Variants in PLA2G12A observed in about 807,000 individuals in gnomAD.
PLA2G12A encodes phospholipase A2 group XIIA.
Under a neutral mutation model 16.0 loss-of-function variants are expected in PLA2G12A, and 11 were observed. The observed-to-expected ratio is 0.69, with a 90% confidence interval of 0.43 to 1.13. PLA2G12A has a LOEUF of 1.13. Ranked by LOEUF, PLA2G12A falls within the 50% of genes most tolerant of loss-of-function variation. The pLI is 0.00. For missense variants in PLA2G12A, 214 were observed against 237.3 expected (o/e 0.90, Z 0.65); for synonymous variants, 77 against 93.8 (o/e 0.82, Z 1.03).
intron 1 of PLA2G12A, among the ~76,000 whole-genome samples, chr4:109,722,487 G>A (rs1307760673): frequency 6.6e-6 from 1 of 152,192 alleles, no homozygotes; most frequent in African/African-American, 2.4e-5. Context: ...CTATAAAAGT[G>A]GCCCTAAAGA....
At chr4:109,719,787 T>G (rs1288059019) in intron 1 of PLA2G12A, among the ~76,000 whole-genome samples, 1 of 152,214 alleles carries the variant, frequency 6.6e-6, no homozygotes, top group African/African-American at 2.4e-5. Flanking sequence ...TTAAAAATAC[T>G]TTATTGCTAA....
intron 1 of PLA2G12A, among the ~76,000 whole-genome samples, chr4:109,722,355 A>G (rs1003720527): frequency 6.6e-6 from 1 of 152,156 alleles, no homozygotes; most frequent in African/African-American, 2.4e-5. Context: ...TATGGTTTGA[A>G]TGTTTGCATC....
intron 1 of PLA2G12A, among the ~76,000 whole-genome samples, chr4:109,721,006 G>A (rs1449583911): frequency 1.3e-5 from 2 of 152,152 alleles, no homozygotes; most frequent in Admixed American, 6.5e-5. Context: ...AGGAGGCGGA[G>A]GTTGTGGTGA....
chr4:109,719,869 G>T (rs991325021), intron 1 of PLA2G12A, among the ~76,000 whole-genome samples: 1 of 152,190 alleles, frequency 6.6e-6, no homozygotes, highest in African/African-American at 2.4e-5. Context: ...GCTCAATGCA[G>T]GGTCGCCGCT....
chr4:109,724,165 G>T (rs1002009933), intron 1 of PLA2G12A, among the ~76,000 whole-genome samples: 1 of 152,068 alleles, frequency 6.6e-6, no homozygotes. Flanking sequence ...TGCTCTTGTT[G>T]CCCAGGCTGG....
chr4:109,726,313 G>A (rs765384718), intron 1 of PLA2G12A, among the ~76,000 whole-genome samples: 3 of 152,126 alleles, frequency 2.0e-5, no homozygotes, highest in East Asian at 1.9e-4. Flanking sequence ...TTCTTTCCAC[G>A]GTCTTCCCCA....
chr4:109,714,216 CTT>C lies in PLA2G12A; in HGVS notation c.*159_*160del. 1.5e-6 allele frequency: 1 copy of C among 651,638 alleles called. No individual in the cohort carries two copies. Among genetic ancestry groups the C allele is most frequent in the Non-Finnish European group, 2.7e-6 (1 of 367,106 alleles). The allele number at this position is 651,638 out of a possible 1,614,324, so 40.4% of individuals were successfully genotyped here. On this transcript the variant is annotated 3_prime_UTR_variant, in exon 4 of 4. Transcript: ENST00000243501. ...TGCCCTCCCCTCACTATCTCCCTCACTTTTTTTGCTTTGAGGTTTTAACATCA... is the reference window on the plus strand; with the variant it reads ...TGCCCTCCCCTCACTATCTCCCTCACTTTTTGCTTTGAGGTTTTAACATCA...
intron 1 of PLA2G12A, among the ~76,000 whole-genome samples, chr4:109,724,766 G>C (rs1447612877): frequency 6.6e-6 from 1 of 152,152 alleles, no homozygotes; most frequent in African/African-American, 2.4e-5. Context: ...GGAGGTACAA[G>C]GAAGTAGGAG....
chr4:109,727,037 T>C (rs1300706153), intron 1 of PLA2G12A, among the ~76,000 whole-genome samples: 3 of 152,018 alleles, frequency 2.0e-5, no homozygotes, highest in Non-Finnish European at 4.4e-5. Context: ...GGTTCTGATT[T>C]GGTCACCTGA....
intron 1 of PLA2G12A, among the ~76,000 whole-genome samples, chr4:109,725,743 G>A (rs1273718420): frequency 6.6e-6 from 1 of 152,042 alleles, no homozygotes; most frequent in Non-Finnish European, 1.5e-5. Flanking sequence ...TTCTAAATTT[G>A]ATGCAAATAC....
At position 109,714,407 on chromosome 4, in the gene PLA2G12A, C is replaced by A; in HGVS notation, c.540G>T (p.Arg180Ser). The stretch of plus-strand genomic sequence containing the variant: ...GATCAGTTTTTTCTTCATAATGACA[C>A]CTGCATGCGGCTCGTTGGCTGTCCA... Reference protein sequence around the residue: ...PYLDSQRAACRCHYEEKTDL With the variant: ...PYLDSQRAACSCHYEEKTDL The change falls in exon 4 of 4, where the codon AGG (arginine) becomes AGT (serine). Residue 180 changes from arginine (R) to serine (S), a missense_variant. Physicochemically the swap from Arg to Ser is moderately radical, Grantham distance 110. Transcript: ENST00000243501. The A allele has an allele frequency of 6.2e-7, 1 of 1,613,828 alleles. No homozygotes were observed. Among genetic ancestry groups the A allele is most frequent in the African/African-American group, 1.3e-5 (1 of 75,018 alleles).
intron 1 of PLA2G12A, among the ~76,000 whole-genome samples, chr4:109,726,730 C>G (rs1377047019): frequency 6.6e-6 from 1 of 152,104 alleles, no homozygotes; most frequent in Non-Finnish European, 1.5e-5. Context: ...ATCTTCCTTG[C>G]TGTCAGGGAG....
chr4:109,729,823 G>A lies in PLA2G12A; in HGVS notation c.-14C>T. 1 of 1,544,700 alleles carries A rather than the reference G, an allele frequency of 6.5e-7. No individual in the cohort carries two copies. On this transcript the variant is annotated 5_prime_UTR_variant, in exon 1 of 4. Transcript: ENST00000243501. ...GAGCAGGGCCATGCGCGCAGCGCCGGGCTCTACGGGTCCCCGAGCCGCGGC... is the reference window on the plus strand; with the variant it reads ...GAGCAGGGCCATGCGCGCAGCGCCGAGCTCTACGGGTCCCCGAGCCGCGGC...
At chr4:109,717,745 A>G (rs1561271055) in intron 2 of PLA2G12A, 32 bp from the exon 3 acceptor site, 1 of 1,597,762 alleles carries the variant, frequency 6.3e-7, no homozygotes. Flanking sequence ...ATTACTGTCA[A>G]TGAAATGCAA....
Position 109,729,842 on chromosome 4 carries a change from C to G in PLA2G12A, c.-33G>C. On this transcript the variant is annotated 5_prime_UTR_variant, in exon 1 of 4. Coordinates refer to ENST00000243501, the MANE Select transcript of PLA2G12A (RefSeq NM_030821.5). The stretch of plus-strand genomic sequence containing the variant: ...GCGCCGGGCTCTACGGGTCCCCGAG[C>G]CGCGGCGCGGGGCGCGTCCCCACAG... 4 of 1,533,752 alleles carry G rather than the reference C, an allele frequency of 2.6e-6. No homozygotes were observed. Among genetic ancestry groups the G allele is most frequent in the Non-Finnish European group, 3.5e-6 (4 of 1,139,196 alleles).
At chr4:109,721,580 A>G (rs574254991) in intron 1 of PLA2G12A, among the ~76,000 whole-genome samples, 3 of 152,190 alleles carry the variant, frequency 2.0e-5, no homozygotes, top group African/African-American at 7.2e-5. Flanking sequence ...TCGGCCTCCC[A>G]AAGTGTTGGG....
intron 1 of PLA2G12A, among the ~76,000 whole-genome samples, chr4:109,720,663 A>C (rs998905242): frequency 2.1e-5 from 3 of 145,488 alleles, no homozygotes; most frequent in African/African-American, 7.5e-5. Flanking sequence ...AAAAAATAAA[A>C]AAAGAAAGAG....
intron 1 of PLA2G12A, among the ~76,000 whole-genome samples, chr4:109,728,857 C>G (rs1722988479): frequency 6.6e-6 from 1 of 152,152 alleles, no homozygotes; most frequent in Non-Finnish European, 1.5e-5. Context: ...TTTTTCTGAC[C>G]TATTAAAATA....
At chr4:109,718,017 A>G (rs1331781236) in intron 2 of PLA2G12A, among the ~76,000 whole-genome samples, 1 of 152,230 alleles carries the variant, frequency 6.6e-6, no homozygotes, top group Non-Finnish European at 1.5e-5. Context: ...GTTTTAAAAA[A>G]AGAAAGATGA....
Sources: allele counts gnomAD v4.1 joint callset (sites outside exome capture counted in the v4.1 genomes callset), GRCh38; gene constraint gnomAD v4.1.1; transcripts MANE v1.5; gene names NCBI Gene and HGNC (gene_info 2026-07-23, HGNC 2026-07-21).